IL1RAP: variants seen among roughly 807,000 people sequenced by gnomAD.
The protein encoded by IL1RAP is interleukin 1 receptor accessory protein, also known as interleukin-1 receptor accessory protein.
In IL1RAP, 35 loss-of-function variants were observed where a neutral mutation model predicts 60.7. That is an observed-to-expected ratio of 0.58 (90% confidence interval 0.44 to 0.76). The LOEUF (loss-of-function observed/expected upper bound fraction) is 0.76. Among genes scored for constraint, IL1RAP ranks in the 30% least tolerant of loss-of-function variants. The pLI, the probability that IL1RAP is intolerant of heterozygous loss-of-function variation, is 0.00. For missense variants in IL1RAP, 572 were observed against 693.9 expected, an observed-to-expected ratio of 0.82 and a Z score of 1.97; for synonymous variants, 268 against 250.9, an observed-to-expected ratio of 1.07 and a Z score of -0.64.
In IL1RAP at chr3:190,651,481, T is replaced by C; in HGVS notation, c.*2776T>C. 7 of 482,274 alleles carry C rather than the reference T, an allele frequency of 1.5e-5. No homozygotes were observed. Among genetic ancestry groups the C allele is most frequent in the Non-Finnish European group, 1.9e-5 (7 of 370,414 alleles). 29.9% of individuals were successfully genotyped at this position (482,274 alleles called of 1,614,324 possible). ...TTCATTTGATTTGTAAATTTACTTA[T>C]GTTAAAAATAAACCATTTATTTTCA... is the stretch of plus-strand genomic sequence containing the variant. On this transcript the variant is annotated 3_prime_UTR_variant, in exon 12 of 12. Transcript: ENST00000447382.
At chr3:190,554,838 C>T (rs1385638200) in intron 1 of IL1RAP, 1 of 151,836 alleles carries the variant, frequency 6.6e-6, no homozygotes, top group Non-Finnish European at 1.5e-5. Context: ...ATATATTGCA[C>T]AACTTCTATT....
chr3:190,537,761 T>G (rs991497561), intron 1 of IL1RAP, among the ~76,000 whole-genome samples: 9 of 152,156 alleles, frequency 5.9e-5, no homozygotes, highest in African/African-American at 2.2e-4. Context: ...TGCCTATCTT[T>G]TTGGCGATCA....
intron 11 of IL1RAP, 123 bp from the exon 12 acceptor site, chr3:190,648,215 G>T: frequency 5.6e-6 from 7 of 1,260,698 alleles, no homozygotes; most frequent in Non-Finnish European, 7.7e-6. Flanking sequence ...ATTTTTGCTG[G>T]TAAAATGTTT....
At chr3:190,514,724 A>C (rs1308134627) in intron 1 of IL1RAP, among the ~76,000 whole-genome samples, 1 of 152,206 alleles carries the variant, frequency 6.6e-6, no homozygotes, top group Non-Finnish European at 1.5e-5. Flanking sequence ...CTGCTTTCTC[A>C]GAAAGATGCC....
At chr3:190,611,058 A>T (rs1205976374) in intron 5 of IL1RAP, among the ~76,000 whole-genome samples, 1 of 152,204 alleles carries the variant, frequency 6.6e-6, no homozygotes, top group Admixed American at 6.5e-5. Flanking sequence ...GACATGTAAC[A>T]TTGGGTAATG....
chr3:190,576,137 TA>T (rs1727423877), intron 3 of IL1RAP, among the ~76,000 whole-genome samples: 1 of 152,134 alleles, frequency 6.6e-6, no homozygotes, highest in African/African-American at 2.4e-5. Flanking sequence ...TATTTAAATG[TA>T]AAAAACCCTA....
intron 3 of IL1RAP, among the ~76,000 whole-genome samples, chr3:190,600,720 T>C (rs1729782359): frequency 6.6e-6 from 1 of 152,194 alleles, no homozygotes; most frequent in Non-Finnish European, 1.5e-5. Context: ...GGTGTGGAAA[T>C]GTACAATCTT....
chr3:190,618,609 G>T (rs894027717), intron 5 of IL1RAP, among the ~76,000 whole-genome samples: 5 of 152,122 alleles, frequency 3.3e-5, no homozygotes, highest in African/African-American at 1.2e-4. Context: ...AAATACCTTT[G>T]AACTGTTTAA....
intron 11 of IL1RAP, 98 bp from the exon 12 acceptor site, chr3:190,648,240 G>T: frequency 6.8e-7 from 1 of 1,473,844 alleles, no homozygotes; most frequent in Non-Finnish European, 9.1e-7. Flanking sequence ...TCAATTCTTA[G>T]GCTGGTACCC....
At chr3:190,646,218 T>G (rs1734004238) in intron 11 of IL1RAP, among the ~76,000 whole-genome samples, 1 of 152,146 alleles carries the variant, frequency 6.6e-6, no homozygotes. Flanking sequence ...AATTTTTTTT[T>G]AAAGCAGTTT....
At chr3:190,603,433 G>A (rs1730027412) in intron 3 of IL1RAP, among the ~76,000 whole-genome samples, 1 of 152,030 alleles carries the variant, frequency 6.6e-6, no homozygotes, top group African/African-American at 2.4e-5. Flanking sequence ...GATTTCTTGA[G>A]GTCTACTGTC....
chr3:190,523,447 A>T (rs1246058605), intron 1 of IL1RAP, among the ~76,000 whole-genome samples: 1 of 151,952 alleles, frequency 6.6e-6, no homozygotes, highest in Admixed American at 6.6e-5. Context: ...GGGATTTGTT[A>T]TACAGATTAT....
At chr3:190,575,647 G>A (rs996375872) in intron 3 of IL1RAP, among the ~76,000 whole-genome samples, 5 of 152,190 alleles carry the variant, frequency 3.3e-5, no homozygotes, top group African/African-American at 1.2e-4. Context: ...GGAAGCCGTG[G>A]TCAGAGTGCA....
Position 190,622,274 on chromosome 3 carries a change from T to A in IL1RAP, c.704-1070T>A, listed in dbSNP as rs755009400. Among the ~76,000 whole-genome samples the A allele has an allele frequency of 3.8e-4, 58 of 151,978 alleles. 1 individual carries two copies. The highest frequency in any genetic ancestry group is 1.3e-4 in the Non-Finnish European group (9 of 68,046). On this transcript the variant is annotated intron_variant, in intron 6 of 11. Coordinates refer to ENST00000447382, the MANE Select transcript of IL1RAP (RefSeq NM_002182.4). ...TATTTAGTATGTTTTATTTTTTTCT[T>A]TGTAAAGCAAAAACTATTTTTTTCT... is the stretch of plus-strand genomic sequence containing the variant.
intron 1 of IL1RAP, among the ~76,000 whole-genome samples, chr3:190,551,604 C>G (rs1724871617): frequency 6.6e-6 from 1 of 152,144 alleles, no homozygotes; most frequent in African/African-American, 2.4e-5. Context: ...CTGTTTAGTT[C>G]TTGTTTTGCT....
Position 190,623,340 on chromosome 3 carries a change from A to G in IL1RAP, c.704-4A>G. The stretch of plus-strand genomic sequence containing the variant: ...ATCTCCCTTTTTTATTTCCTCTAAC[A>G]CAGGCTCTCCAAAAAATGCAGTGCC... On this transcript the variant is annotated splice_region_variant and splice_polypyrimidine_tract_variant and intron_variant, in intron 6 of 11. Transcript: ENST00000447382. The G allele has an allele frequency of 1.9e-6, 3 of 1,610,648 alleles. No individual in the cohort carries two copies. The highest frequency in any genetic ancestry group is 2.5e-6 in the Non-Finnish European group (3 of 1,177,068).
chr3:190,552,714 G>C (rs1204172697), intron 1 of IL1RAP, among the ~76,000 whole-genome samples: 1 of 151,958 alleles, frequency 6.6e-6, no homozygotes, highest in Non-Finnish European at 1.5e-5. Context: ...TAATTTTGGG[G>C]GTTCCATGAG....
intron 11 of IL1RAP, 43 bp from the exon 12 acceptor site, chr3:190,648,295 G>A (rs771201553): frequency 6.5e-7 from 1 of 1,529,378 alleles, no homozygotes; most frequent in Non-Finnish European, 8.7e-7. Context: ...CTTTTGGGGA[G>A]TTTTTGGCCA....
chr3:190,617,352 C>A (rs1731367471), intron 5 of IL1RAP, among the ~76,000 whole-genome samples: 1 of 152,164 alleles, frequency 6.6e-6, no homozygotes, highest in African/African-American at 2.4e-5. Flanking sequence ...CCTTCCCCTC[C>A]CCACATGATT....
Sources: gnomAD v4.1 joint callset for allele counts (sites outside exome capture counted in the v4.1 genomes callset) on GRCh38, gnomAD v4.1.1 for gene constraint, MANE v1.5 for transcripts, NCBI Gene and HGNC (gene_info 2026-07-23, HGNC 2026-07-21) for gene names.